The following CEP97 variants were observed in gnomAD, a reference collection of about 807,000 sequenced individuals.
CEP97 encodes centrosomal protein of 97 kDa.
CEP97 carries 43 observed loss-of-function variants against 73.1 expected under a neutral mutation model. The ratio of observed to expected loss-of-function variants is 0.59; its 90% CI spans 0.46 to 0.76. The LOEUF (loss-of-function observed/expected upper bound fraction) is 0.76. CEP97 is among the 30% of genes least tolerant of loss of function. The pLI, the probability that CEP97 is intolerant of heterozygous loss-of-function variation, is 0.00. For synonymous variants in CEP97, 337 were observed against 370.0 expected, an observed-to-expected ratio of 0.91 and a Z score of 1.02; for missense variants, 939 against 1,014.0, an observed-to-expected ratio of 0.93 and a Z score of 1.00.
intron 6 of CEP97, among the ~76,000 whole-genome samples, chr3:101,744,891 A>G (rs1938567325): frequency 6.6e-6 from 1 of 152,174 alleles, no homozygotes; most frequent in Non-Finnish European, 1.5e-5. Flanking sequence ...ATTTGCTAAG[A>G]ACACCCAGGT....
chr3:101,741,817 G>A (rs1938464345), intron 6 of CEP97, among the ~76,000 whole-genome samples: 1 of 152,090 alleles, frequency 6.6e-6, no homozygotes, highest in Admixed American at 6.5e-5. Flanking sequence ...CGAGGCAGGT[G>A]GATCACGAGG....
chr3:101,760,187 G>C (rs1173557953), intron 9 of CEP97, among the ~76,000 whole-genome samples: 2 of 152,088 alleles, frequency 1.3e-5, no homozygotes, highest in Non-Finnish European at 2.9e-5. Context: ...AGTCCTGTCT[G>C]ATGCTGCTTC....
intron 6 of CEP97, among the ~76,000 whole-genome samples, chr3:101,749,751 G>A (rs1938744806): frequency 6.8e-6 from 1 of 146,770 alleles, no homozygotes; most frequent in Non-Finnish European, 1.5e-5. Context: ...GCCAGTGATG[G>A]TGAGCATTTT....
intron 6 of CEP97, among the ~76,000 whole-genome samples, chr3:101,752,106 AGCATTT>A (rs1938847146): frequency 5.9e-5 from 9 of 152,170 alleles, no homozygotes; most frequent in Admixed American, 5.9e-4. Flanking sequence ...AAAATCTCTC[AGCATTT>A]GCTTGTCTGT....
At chr3:101,754,182 C>T (rs1473943414) in intron 6 of CEP97, among the ~76,000 whole-genome samples, 2 of 151,548 alleles carry the variant, frequency 1.3e-5, no homozygotes, top group Non-Finnish European at 2.9e-5. Context: ...GCCACCATAC[C>T]TGGCCCTTGC....
At chr3:101,732,410 A>G (rs1321431836) in intron 5 of CEP97, 78 bp from the exon 6 acceptor site, 1 of 966,284 alleles carries the variant, frequency 1.0e-6, no homozygotes, top group Non-Finnish European at 1.6e-6. Context: ...AAATGCTGCC[A>G]AAGATATGTA....
rs1243838921 is a variant in CEP97 at position 101,765,136 on chromosome 3, G to A, written c.2183G>A (p.Ser728Asn). 1.2e-6 allele frequency: 2 copies of A among 1,614,244 alleles called. No homozygotes were observed. The highest frequency in any genetic ancestry group is 1.7e-5 in the Admixed American group (1 of 60,036). Residue 728 changes from serine (S) to asparagine (N), a missense_variant, in exon 11 of 11, where the codon AGT becomes AAT. Transcript: ENST00000341893. ...TTTGAGAAAAGTTCCACAGAAGGCA[G>A]TGAAAGCTCCATAATGGGGAATTCC... is the stretch of plus-strand genomic sequence containing the variant. ...LDFEKSSTEG[S>N]ESSIMGNSID...
In CEP97 at chr3:101,753,160, T is replaced by C. The variant is rs1255652371; in HGVS notation, c.729-2270T>C. Among the ~76,000 whole-genome samples the C allele has an allele frequency of 2.6e-5, 4 of 152,322 alleles. No individual in the cohort carries two copies. In the South Asian group the frequency reaches 8.3e-4, roughly 32 times the overall value. On this transcript the variant is annotated intron_variant, in intron 6 of 10. Transcript: ENST00000341893. ...CTGTTGGAGTTTGCTAGAGGTCCAC[T>C]CCAGACCCTGTTTGCCTGGGTAACA...
rs1939371171 is a variant in CEP97 at position 101,768,421 on chromosome 3, A to G, written c.*2870A>G. ...AAACTTCTAAGAGAGCTACAACTCT[A>G]TCACTCATGACAGAGTTGCTTGTAG... is the stretch of plus-strand genomic sequence containing the variant. On this transcript the variant is annotated 3_prime_UTR_variant, in exon 11 of 11. Coordinates refer to ENST00000341893, the MANE Select transcript of CEP97 (RefSeq NM_024548.4). 2 of 152,258 alleles carry G rather than the reference A, an allele frequency of 1.3e-5. No individual in the cohort carries two copies. Among genetic ancestry groups the G allele is most frequent in the African/African-American group, 2.4e-5 (1 of 41,476 alleles). The allele number at this position is 152,258 out of a possible 1,614,324, so 9.4% of individuals were successfully genotyped here.
At chr3:101,751,318 G>A (rs966722170) in intron 6 of CEP97, among the ~76,000 whole-genome samples, 23 of 152,178 alleles carry the variant, frequency 1.5e-4, no homozygotes, top group African/African-American at 4.8e-4. Context: ...TTGCTGAGGA[G>A]AGCTTTACTT....
chr3:101,765,083 A>C lies in CEP97; in HGVS notation c.2130A>C (p.Gln710His). 1 of 1,614,218 alleles carries C rather than the reference A, an allele frequency of 6.2e-7. No individual in the cohort carries two copies. The highest frequency in any genetic ancestry group is 8.5e-7 in the Non-Finnish European group (1 of 1,180,042). ...GTTTTCATTCCTCTCTAACAGAACA[A>C]GTTCATTCATTGCAGCATTCTTTGG... ...DSGFHSSLTE[Q>H]VHSLQHSLDF... The change falls in exon 11 of 11, where the codon CAA becomes CAC. Residue 710 changes from glutamine (Q) to histidine (H), a missense_variant. By Grantham distance (24) the Gln-to-His change is conservative. Coordinates refer to ENST00000341893, the MANE Select transcript of CEP97 (RefSeq NM_024548.4).
At chr3:101,762,652 C>A in intron 10 of CEP97, 92 bp downstream of exon 10, 1 of 914,800 alleles carries the variant, frequency 1.1e-6, no homozygotes, top group Non-Finnish European at 1.6e-6. Context: ...GTGTATTAAG[C>A]ACTCTTGTTC....
rs765011864 is a variant in CEP97 at position 101,727,444 on chromosome 3, G to A, written c.248G>A (p.Arg83His). The change falls in exon 3 of 11, where the codon CGT becomes CAT. Residue 83 changes from arginine to histidine, a missense_variant. Coordinates refer to ENST00000341893, the MANE Select transcript of CEP97 (RefSeq NM_024548.4). Reference protein sequence around the residue: ...MMGVAKLTLLRVLNLPHNSIG... With the variant: ...MMGVAKLTLLHVLNLPHNSIG... The stretch of plus-strand genomic sequence containing the variant: ...GGTGTGGCCAAGCTGACGTTGCTTC[G>A]TGTATTAAATTTGCCTCATAATAGC... 30 of 1,613,724 alleles carry A rather than the reference G, an allele frequency of 1.9e-5. No homozygotes were observed. The highest frequency in any genetic ancestry group is 6.6e-5 in the South Asian group (6 of 91,052).
rs767434821 is a variant in CEP97 at position 101,758,114 on chromosome 3, T to G, written c.1508T>G (p.Phe503Cys). The part of the protein sequence containing the change: ...ILKDDNHSLT[F>C]FPESTEQKQS... The stretch of plus-strand genomic sequence containing the variant: ...AAGGATGATAACCACAGTCTTACAT[T>G]TTTTCCTGAGTCAACTGAGCAGAAA... Residue 503 changes from phenylalanine to cysteine, a missense_variant, in exon 9 of 11, where the codon TTT becomes TGT. Phe to Cys is a radical substitution (Grantham distance 205). Coordinates refer to ENST00000341893, the MANE Select transcript of CEP97 (RefSeq NM_024548.4). 1 of 1,614,176 alleles carries G rather than the reference T, an allele frequency of 6.2e-7. No homozygotes were observed. Among genetic ancestry groups the G allele is most frequent in the Non-Finnish European group, 8.5e-7 (1 of 1,180,034 alleles).
chr3:101,726,638 C>A lies in CEP97; in HGVS notation c.88C>A (p.Pro30Thr), dbSNP rs188412281. The A allele has an allele frequency of 1.7e-5, 28 of 1,610,728 alleles. No homozygotes were observed. In the Admixed American group the frequency reaches 4.7e-4, roughly 27 times the overall value. The change falls in exon 2 of 11, where the codon CCA becomes ACA. Residue 30 changes from proline (P) to threonine (T), a missense_variant. Pro to Thr is a conservative substitution (Grantham distance 38). Coordinates refer to ENST00000341893, the MANE Select transcript of CEP97 (RefSeq NM_024548.4). ...WSGQGLQKLG[P>T]NLPCEADIHT... ...AGGACAGGGACTACAGAAATTAGGT[C>A]CAAATTTACCCTGTGAAGCTGATAT... is the stretch of plus-strand genomic sequence containing the variant.
intron 6 of CEP97, 100 bp from the exon 7 acceptor site, chr3:101,755,330 G>A (rs1014824383): frequency 1.0e-6 from 1 of 971,524 alleles, no homozygotes; most frequent in East Asian, 2.4e-5. Context: ...ACATACAATG[G>A]TGCTATAAAG....
In CEP97 at chr3:101,762,468, G is replaced by A. The variant is rs1484077756; in HGVS notation, c.1818-17G>A. ...GCACCCTTCCTTATGTCAATAATGT[G>A]TTTTGAATTATTGTAGATTACGAAA... On this transcript the variant is annotated splice_polypyrimidine_tract_variant and intron_variant, in intron 9 of 10. Coordinates refer to ENST00000341893, the MANE Select transcript of CEP97 (RefSeq NM_024548.4). 1 of 1,548,446 alleles carries A rather than the reference G, an allele frequency of 6.5e-7. No homozygotes were observed. Among genetic ancestry groups the A allele is most frequent in the East Asian group, 2.3e-5 (1 of 44,166 alleles).
At chr3:101,746,645 A>C (rs1366119529) in intron 6 of CEP97, among the ~76,000 whole-genome samples, 3 of 152,024 alleles carry the variant, frequency 2.0e-5, no homozygotes, top group Non-Finnish European at 2.9e-5. Flanking sequence ...AAAACACCAA[A>C]AGCAATGGCA....
intron 6 of CEP97, 107 bp from the exon 7 acceptor site, chr3:101,755,321 CAT>C: frequency 1.1e-6 from 1 of 893,284 alleles, no homozygotes. Flanking sequence ...TTATGAAAAA[CAT>C]ACAATGGTGC....
Sources: allele counts gnomAD v4.1 joint callset (sites outside exome capture counted in the v4.1 genomes callset), GRCh38; gene constraint gnomAD v4.1.1; transcripts MANE v1.5; gene names NCBI Gene and HGNC (gene_info 2026-07-23, HGNC 2026-07-21).